The following C15orf40 variants were observed in gnomAD, a reference collection of about 807,000 sequenced individuals.
C15orf40 encodes chromosome 15 open reading frame 40.
In C15orf40, 9 loss-of-function variants were observed where a neutral mutation model predicts 13.9. That is an observed-to-expected ratio of 0.65 (90% CI 0.39 to 1.13). The LOEUF (loss-of-function observed/expected upper bound fraction) is 1.13, where lower values mean the gene tolerates loss of function less well. Among genes scored for constraint, C15orf40 ranks in the 50% most tolerant of loss-of-function variants. The pLI, the probability that C15orf40 is intolerant of heterozygous loss-of-function variation, is 0.01. For missense variants in C15orf40, 225 were observed against 188.5 expected, an observed-to-expected ratio of 1.19 and a Z score of -1.13; for synonymous variants, 95 against 69.2, an observed-to-expected ratio of 1.37 and a Z score of -1.85.
chr15:83,011,568 T>C lies in C15orf40; in HGVS notation c.40A>G (p.Thr14Ala), dbSNP rs759904087. The change falls in exon 1 of 4, where the codon ACA (threonine) becomes GCA (alanine). Residue 14 changes from threonine (T) to alanine (A), a missense_variant. By Grantham distance (58) the Thr-to-Ala change is moderately conservative. Coordinates refer to ENST00000304177, the MANE Select transcript of C15orf40 (RefSeq NM_144597.3). ...LRSGLRHLRA[T>A]PNTRGSARLL... The stretch of plus-strand genomic sequence containing the variant: ...CGAGCGGAGCCCCGAGTATTGGGTG[T>C]TGCCCGAAGGTGCCTCAGCCCGCTG... 3 of 1,604,518 alleles carry C rather than the reference T, an allele frequency of 1.9e-6. No individual in the cohort carries two copies. Among genetic ancestry groups the C allele is most frequent in the African/African-American group, 1.3e-5 (1 of 74,714 alleles).
In C15orf40 at chr15:82,998,256, C is replaced by T. The variant is rs1310346676; in HGVS notation, c.*7341G>A. Reference sequence around the variant, plus strand: ...CTCCCTCCCGGATGGGGTGGCTGGCCGGGCGGGGGACTGACCCCCCCCCAC... The same window carrying T: ...CTCCCTCCCGGATGGGGTGGCTGGCTGGGCGGGGGACTGACCCCCCCCCAC... On this transcript the variant is annotated 3_prime_UTR_variant, in exon 4 of 4. Transcript: ENST00000304177. 4.9e-5 allele frequency: 7 copies of T among 142,972 alleles called. No homozygotes were observed. Among genetic ancestry groups the T allele is most frequent in the South Asian group, 2.1e-4 (1 of 4,842 alleles). 8.9% of individuals were successfully genotyped at this position (142,972 alleles called of 1,614,324 possible).
intron 2 of C15orf40, 128 bp downstream of exon 2, chr15:83,010,109 G>T: frequency 7.9e-7 from 1 of 1,263,296 alleles, no homozygotes; most frequent in Non-Finnish European, 1.1e-6. Flanking sequence ...TTTTAAAATG[G>T]AGAAGCCTCT....
rs2031580987 is a variant in C15orf40 at position 83,004,724 on chromosome 15, A to T, written c.*873T>A. 4 of 841,554 alleles carry T rather than the reference A, an allele frequency of 4.8e-6. No individual in the cohort carries two copies. Among genetic ancestry groups the T allele is most frequent in the Non-Finnish European group, 5.3e-6 (4 of 751,544 alleles). The allele number at this position is 841,554 out of a possible 1,614,324, so 52.1% of individuals were successfully genotyped here. The stretch of plus-strand genomic sequence containing the variant: ...AAATGGTAAATATAGTCTTTAAAAG[A>T]TGTAAAAAAAAAATTTTTTTTACAT... On this transcript the variant is annotated 3_prime_UTR_variant, in exon 4 of 4. Coordinates refer to ENST00000304177, the MANE Select transcript of C15orf40 (RefSeq NM_144597.3).
chr15:82,992,264 G>A (rs8027909), downstream of C15orf40, among the ~76,000 whole-genome samples: 86 of 152,034 alleles, frequency 5.7e-4, 1 homozygote, highest in South Asian at 0.015. Flanking sequence ...AGTTGTAATC[G>A]CAGCACTTTG....
In C15orf40 at chr15:83,001,023, G is replaced by C. The variant is rs1278685809; in HGVS notation, c.*4574C>G. 1.5e-6 allele frequency: 1 copy of C among 682,252 alleles called. No homozygotes were observed. Among genetic ancestry groups the C allele is most frequent in the African/African-American group, 2.0e-5 (1 of 51,180 alleles). The allele number at this position is 682,252 out of a possible 1,614,324, so 42.3% of individuals were successfully genotyped here. A position where few individuals can be genotyped will look rare whatever the true frequency, so the allele number is the denominator to read the frequency against. ...AAACAGGGTTTCGCCATATTGGTCA[G>C]GCTGGTCTTAAACTCCTGACTTCAA... On this transcript the variant is annotated 3_prime_UTR_variant, in exon 4 of 4. Coordinates refer to ENST00000304177, the MANE Select transcript of C15orf40 (RefSeq NM_144597.3).
Position 82,998,338 on chromosome 15 carries a change from G to C in C15orf40, c.*7259C>G, listed in dbSNP as rs1306642092. The C allele has an allele frequency of 7.1e-6, 1 of 140,636 alleles. No individual in the cohort carries two copies. The highest frequency in any genetic ancestry group is 2.3e-4 in the East Asian group (1 of 4,378). The allele number at this position is 140,636 out of a possible 1,614,324, so 8.7% of individuals were successfully genotyped here. A position where few individuals can be genotyped will look rare whatever the true frequency, so the allele number is the denominator to read the frequency against. ...AGACGCTCCTCACTTCCCAGATGGG[G>C]TGGCTGCCGGGCGGAGAGGCTCCTC... On this transcript the variant is annotated 3_prime_UTR_variant, in exon 4 of 4. Coordinates refer to ENST00000304177, the MANE Select transcript of C15orf40 (RefSeq NM_144597.3).
chr15:82,989,188 G>A, downstream of C15orf40: 5 of 1,612,058 alleles, frequency 3.1e-6, no homozygotes, highest in African/African-American at 1.3e-5. Flanking sequence ...AGAGGCAATC[G>A]GTGTGTATTC....
rs2031551589 is a variant in C15orf40, at chr15:83,004,140, TAAAG to T, written c.*1453_*1456del. The T allele has an allele frequency of 1.3e-5, 2 of 153,716 alleles. No homozygotes were observed. The highest frequency in any genetic ancestry group is 2.9e-5 in the Non-Finnish European group (2 of 69,736). 9.5% of individuals were successfully genotyped at this position (153,716 alleles called of 1,614,324 possible). A position where few individuals can be genotyped will look rare whatever the true frequency, so the allele number is the denominator to read the frequency against. On this transcript the variant is annotated 3_prime_UTR_variant, in exon 4 of 4. Transcript: ENST00000304177. The stretch of plus-strand genomic sequence containing the variant: ...CTATCTATGTATATCTATCTATCTA[TAAAG>T]AAAGAGACAGAGACAGATACAGGGT...
At position 83,010,283 on chromosome 15, in the gene C15orf40, G is replaced by A; in HGVS notation, c.192C>T (p.Thr64=). The A allele has an allele frequency of 6.2e-7, 1 of 1,614,206 alleles. No homozygotes were observed. Among genetic ancestry groups the A allele is most frequent in the South Asian group, 1.1e-5 (1 of 91,086 alleles). Residue 64 remains threonine, a synonymous_variant, in exon 2 of 4, where the codon ACC becomes ACT. Coordinates refer to ENST00000304177, the MANE Select transcript of C15orf40 (RefSeq NM_144597.3). ...PVAVDPKGCV[T]IAIHAKPGSK... The stretch of plus-strand genomic sequence containing the variant: ...AGCCAGGTTTTGCATGGATGGCTAT[G>A]GTGACGCATCCTTTAGGATCAACTG...
chr15:83,004,915 G>A lies in C15orf40; in HGVS notation c.*682C>T, dbSNP rs900176358. On this transcript the variant is annotated 3_prime_UTR_variant, in exon 4 of 4. Coordinates refer to ENST00000304177, the MANE Select transcript of C15orf40 (RefSeq NM_144597.3). ...AAACTGCATTCAACAAGTAGTCCAAGGATTTGGGTTCTAGTTGCCAGCTTG... is the reference window on the plus strand; with the variant it reads ...AAACTGCATTCAACAAGTAGTCCAAAGATTTGGGTTCTAGTTGCCAGCTTG... 2.3e-6 allele frequency: 3 copies of A among 1,304,384 alleles called. No individual in the cohort carries two copies. The South Asian group carries it at 3.7e-5, about 16-fold the overall frequency. 80.8% of individuals were successfully genotyped at this position (1,304,384 alleles called of 1,614,324 possible).
At position 82,997,480 on chromosome 15, in the gene C15orf40, G is replaced by A. The variant is rs2151276643; in HGVS notation, c.*8117C>T. 1.4e-5 allele frequency: 2 copies of A among 138,732 alleles called. No individual in the cohort carries two copies. The highest frequency in any genetic ancestry group is 5.8e-5 in the African/African-American group (2 of 34,536). 8.6% of individuals were successfully genotyped at this position (138,732 alleles called of 1,614,324 possible). A position where few individuals can be genotyped will look rare whatever the true frequency, so the allele number is the denominator to read the frequency against. ...CCGCCCTTAATCCATTTAACCCTGA[G>A]TGGACACAGCGCATGTTTCAGAGAG... On this transcript the variant is annotated 3_prime_UTR_variant, in exon 4 of 4. Transcript: ENST00000304177.
chr15:82,990,108 T>C (rs2030797758), downstream of C15orf40: 1 of 950,752 alleles, frequency 1.1e-6, no homozygotes, highest in Non-Finnish European at 1.5e-6. Flanking sequence ...TTTACTCTGT[T>C]ACCATGAGAA....
chr15:83,006,653 G>A (rs760385082), intron 3 of C15orf40, among the ~76,000 whole-genome samples: 2 of 152,046 alleles, frequency 1.3e-5, no homozygotes, highest in Non-Finnish European at 2.9e-5. Flanking sequence ...TCGGGAGGCT[G>A]AAGCAGGAGA....
intron 3 of C15orf40, chr15:83,006,586 C>G: frequency 4.6e-6 from 2 of 432,762 alleles, no homozygotes; most frequent in Non-Finnish European, 6.2e-6. Flanking sequence ...GTGGCAAAAC[C>G]CTGTCTCTAC....
rs1381578543 is a variant in C15orf40 at position 82,998,834 on chromosome 15, G to C, written c.*6763C>G. 1.1e-5 allele frequency: 1 copy of C among 89,356 alleles called. No individual in the cohort carries two copies. The highest frequency in any genetic ancestry group is 2.1e-5 in the Non-Finnish European group (1 of 47,198). The allele number at this position is 89,356 out of a possible 1,614,324, so 5.5% of individuals were successfully genotyped here. A position where few individuals can be genotyped will look rare whatever the true frequency, so the allele number is the denominator to read the frequency against. On this transcript the variant is annotated 3_prime_UTR_variant, in exon 4 of 4. Coordinates refer to ENST00000304177, the MANE Select transcript of C15orf40 (RefSeq NM_144597.3). The stretch of plus-strand genomic sequence containing the variant: ...CCAAGGCAGGCGGCTGGGAGGTGTA[G>C]GTTGTAGTGAGCCGAGATCACGCCA...
chr15:82,995,714 G>A lies in C15orf40; in HGVS notation c.*9883C>T, dbSNP rs1468725634. On this transcript the variant is annotated 3_prime_UTR_variant, in exon 4 of 4. Coordinates refer to ENST00000304177, the MANE Select transcript of C15orf40 (RefSeq NM_144597.3). ...GCAGGAGAATCGCTTGAACCCAGGA[G>A]GCGGAGGTTGCAGTGAGCCAAGATT... 4 of 152,506 alleles carry A rather than the reference G, an allele frequency of 2.6e-5. No individual in the cohort carries two copies. The highest frequency in any genetic ancestry group is 4.4e-5 in the Non-Finnish European group (3 of 68,286). The allele number at this position is 152,506 out of a possible 1,614,324, so 9.4% of individuals were successfully genotyped here.
rs781626119 is a variant in C15orf40 at position 83,003,121 on chromosome 15, CTTT to C, written c.*2473_*2475del. ...CAACACGCCTGACCAAAAGTTGATC[CTTT>C]TTTTTTTTTTTTTTTTTTGAGATGG... On this transcript the variant is annotated 3_prime_UTR_variant, in exon 4 of 4. Coordinates refer to ENST00000304177, the MANE Select transcript of C15orf40 (RefSeq NM_144597.3). The C allele has an allele frequency of 3.9e-3, 444 of 114,494 alleles. 2 individuals are homozygous for C. Among genetic ancestry groups the C allele is most frequent in the African/African-American group, 0.014 (422 of 29,536 alleles). 7.1% of individuals were successfully genotyped at this position (114,494 alleles called of 1,614,324 possible).
chr15:82,988,994 C>G (rs781123458), downstream of C15orf40: 5 of 1,573,868 alleles, frequency 3.2e-6, no homozygotes, highest in Admixed American at 3.8e-5. Flanking sequence ...ATGGAAATGT[C>G]TTTAAAATTG....
intron 3 of C15orf40, among the ~76,000 whole-genome samples, chr15:83,007,028 AG>A (rs2031724635): frequency 1.3e-5 from 2 of 152,216 alleles, no homozygotes; most frequent in African/African-American, 2.4e-5. Context: ...TATATAGTAT[AG>A]CACTGGAAAA....
Sources: allele counts gnomAD v4.1 joint callset (sites outside exome capture counted in the v4.1 genomes callset), GRCh38; gene constraint gnomAD v4.1.1; transcripts MANE v1.5; gene names NCBI Gene and HGNC (gene_info 2026-07-23, HGNC 2026-07-21).